Variants in GSE1 observed in about 807,000 individuals in gnomAD.
The protein encoded by GSE1 is genetic suppressor element 1.
Under a neutral mutation model 112.6 loss-of-function variants are expected in GSE1, and 32 were observed. The ratio of observed to expected loss-of-function variants is 0.28; its 90% CI spans 0.21 to 0.38. The LOEUF is 0.38. GSE1 is among the 10% of genes least tolerant of loss of function. The pLI is 1.00. For missense variants in GSE1, 2,348 were observed against 1,699.2 expected (o/e 1.38, Z -6.71); for synonymous variants, 1,115 against 735.6 (o/e 1.52, Z -8.35).
chr16:85,305,888 G>A (rs914462217), intron 1 of GSE1, among the ~76,000 whole-genome samples: 1 of 152,064 alleles, frequency 6.6e-6, no homozygotes, highest in Non-Finnish European at 1.5e-5. Context: ...CCGGGAGTTC[G>A]AGACCAGCCT....
chr16:85,588,425 G>A (rs2046810879), intron 1 of GSE1, among the ~76,000 whole-genome samples: 1 of 152,204 alleles, frequency 6.6e-6, no homozygotes, highest in Non-Finnish European at 1.5e-5. Context: ...TGTGGGAACG[G>A]CTTTATGATC....
At chr16:85,310,423 T>G (rs2045805692) in intron 1 of GSE1, among the ~76,000 whole-genome samples, 1 of 152,150 alleles carries the variant, frequency 6.6e-6, no homozygotes, top group African/African-American at 2.4e-5. Context: ...TCGGCTGCCT[T>G]CCTTTCACAG....
intron 2 of GSE1, among the ~76,000 whole-genome samples, chr16:85,639,198 G>C (rs1227295599): frequency 6.6e-6 from 1 of 152,206 alleles, no homozygotes; most frequent in Non-Finnish European, 1.5e-5. Flanking sequence ...GACGTCCCCG[G>C]GGCCGCCCAG....
At chr16:85,538,495 G>A (rs913439023) in intron 2 of GSE1, among the ~76,000 whole-genome samples, 1 of 152,220 alleles carries the variant, frequency 6.6e-6, no homozygotes, top group Admixed American at 6.5e-5. Context: ...GGCATGTACC[G>A]TCTTGTCGCC....
intron 8 of GSE1, among the ~76,000 whole-genome samples, chr16:85,660,493 G>C (rs1424311983): frequency 6.6e-6 from 1 of 152,138 alleles, no homozygotes; most frequent in Non-Finnish European, 1.5e-5. Context: ...AAAATTAGTA[G>C]CTGGGCATGG....
At chr16:85,358,343 T>C (rs989621505) in intron 2 of GSE1, among the ~76,000 whole-genome samples, 9 of 151,806 alleles carry the variant, frequency 5.9e-5, no homozygotes, top group African/African-American at 2.2e-4. Flanking sequence ...CCATGATGCG[T>C]TTTTATGGCC....
intron 1 of GSE1, among the ~76,000 whole-genome samples, chr16:85,575,208 C>T (rs2046178670): frequency 6.6e-6 from 1 of 152,222 alleles, no homozygotes; most frequent in South Asian, 2.1e-4. Context: ...CATATGTCCA[C>T]AGGGCCAGGG....
rs144954137 is a variant in GSE1, at chr16:85,367,505, G to A, written c.2464+9862G>A. 1.1e-4 allele frequency among the ~76,000 whole-genome samples: 16 copies of A among 152,352 alleles called. No individual in the cohort carries two copies. In the East Asian group the frequency reaches 2.9e-3, roughly 28 times the overall value. On this transcript the variant is annotated intron_variant, in intron 2 of 2. Coordinates refer to the GSE1 transcript ENST00000637419. Reference sequence around the variant, plus strand: ...AGCAGGTAAAGGAGTGATGCCGGGTGGTGAGAGGGCCACGAAGAAACAGGC... The same window carrying A: ...AGCAGGTAAAGGAGTGATGCCGGGTAGTGAGAGGGCCACGAAGAAACAGGC...
intron 1 of GSE1, among the ~76,000 whole-genome samples, chr16:85,332,206 G>A (rs1396167678): frequency 6.6e-6 from 1 of 152,182 alleles, no homozygotes; most frequent in Non-Finnish European, 1.5e-5. Flanking sequence ...CACCGCTGCT[G>A]TCTGTCCTTT....
Position 85,648,721 on chromosome 16 carries a change from G to C in GSE1, c.396G>C (p.Val132=). Residue 132 remains valine (V), a synonymous_variant, in exon 3 of 16, where the codon GTG becomes GTC. Coordinates refer to ENST00000253458, the MANE Select transcript of GSE1 (RefSeq NM_014615.5). ...TGACCATCGCTCCAACCAAAACCGT[G>C]AATGGTGTCTGGAGGAGTGAGAGCC... ...PVVTIAPTKT[V]NGVWRSESRQ... 6.2e-7 allele frequency: 1 copy of C among 1,606,166 alleles called. No homozygotes were observed. Among genetic ancestry groups the C allele is most frequent in the South Asian group, 1.1e-5 (1 of 90,394 alleles).
At chr16:85,554,982 C>T, upstream of GSE1, 1 of 985,416 alleles carries the variant, frequency 1.0e-6, no homozygotes, top group South Asian at 4.7e-5. Context: ...CGCCCCGCTC[C>T]CCGTCCGCAT....
intron 2 of GSE1, among the ~76,000 whole-genome samples, chr16:85,643,358 G>C (rs551945369): frequency 6.6e-6 from 1 of 152,208 alleles, no homozygotes; most frequent in Admixed American, 6.5e-5. Context: ...CTGGCGTTGT[G>C]GGGGCATCGA....
chr16:85,556,432 C>T (rs1425739259), intron 1 of GSE1: 7 of 690,434 alleles, frequency 1.0e-5, no homozygotes, highest in Non-Finnish European at 7.1e-6. Context: ...CCTCACCCGA[C>T]CCCCCTCCGC....
At chr16:85,473,115 G>A (rs763400307) in intron 2 of GSE1, among the ~76,000 whole-genome samples, 8 of 152,262 alleles carry the variant, frequency 5.3e-5, no homozygotes, top group Non-Finnish European at 1.0e-4. Context: ...AGATCAGCAG[G>A]AAGCGGGAGG....
chr16:85,413,893 G>A lies in GSE1; in HGVS notation c.2464+56250G>A, dbSNP rs557255245. On this transcript the variant is annotated intron_variant, in intron 2 of 2. Transcript: ENST00000637419. ...CTCGTGATAGTGAGTGAGTTCTCGT[G>A]AGATCTGATGGTTTTATAACAGGCC... Among the ~76,000 whole-genome samples, 4 of 152,302 alleles carry A rather than the reference G, an allele frequency of 2.6e-5. No individual in the cohort carries two copies. The East Asian group carries it at 5.8e-4, about 22-fold the overall frequency.
chr16:85,184,474 G>A (rs1292296554), intron 1 of GSE1, among the ~76,000 whole-genome samples: 1 of 152,184 alleles, frequency 6.6e-6, no homozygotes. Context: ...AGGGGGCCAG[G>A]CACTGGCATA....
At chr16:85,326,875 C>G (rs2046237872) in intron 1 of GSE1, among the ~76,000 whole-genome samples, 1 of 152,244 alleles carries the variant, frequency 6.6e-6, no homozygotes, top group Non-Finnish European at 1.5e-5. Context: ...AACATTTCTT[C>G]CGGTTGTCTA....
At chr16:85,178,529 C>T (rs1304076704) in intron 1 of GSE1, among the ~76,000 whole-genome samples, 1 of 152,046 alleles carries the variant, frequency 6.6e-6, no homozygotes, top group Admixed American at 6.6e-5. Flanking sequence ...TGGTCCCGGG[C>T]CATGGTATTT....
At chr16:85,367,864 T>C (rs972437265) in intron 2 of GSE1, among the ~76,000 whole-genome samples, 4 of 150,856 alleles carry the variant, frequency 2.7e-5, no homozygotes, top group African/African-American at 4.9e-5. Flanking sequence ...TTTTTTTTTT[T>C]CCGAGATGGA....
Sources: allele counts gnomAD v4.1 joint callset (sites outside exome capture counted in the v4.1 genomes callset), GRCh38; gene constraint gnomAD v4.1.1; transcripts MANE v1.5; gene names NCBI Gene and HGNC (gene_info 2026-07-23, HGNC 2026-07-21).